PXDNL: variants seen among roughly 807,000 people sequenced by gnomAD.
The protein encoded by PXDNL is peroxidasin like, also known as probable oxidoreductase PXDNL.
In PXDNL, 145 loss-of-function variants were observed where a neutral mutation model predicts 150.8. The observed-to-expected ratio is 0.96, with a 90% confidence interval of 0.84 to 1.10. The LOEUF (loss-of-function observed/expected upper bound fraction) is 1.10, where lower values mean the gene tolerates loss of function less well. Ranked by LOEUF, PXDNL falls within the 50% of genes least tolerant of loss-of-function variation. The probability of loss-of-function intolerance (pLI) is 0.00; values close to 1 mark genes in which losing one functional copy is unlikely to be tolerated. For synonymous variants in PXDNL, 757 were observed against 725.7 expected (o/e 1.04, Z -0.69); for missense variants, 2,087 against 1,873.9 (o/e 1.11, Z -2.10).
chr8:51,363,514 T>TG (rs902600759), intron 19 of PXDNL, among the ~76,000 whole-genome samples: 23 of 152,010 alleles, frequency 1.5e-4, no homozygotes, highest in African/African-American at 5.6e-4. Flanking sequence ...GGTACATGAC[T>TG]GGGGGCTGCA....
intron 17 of PXDNL, among the ~76,000 whole-genome samples, chr8:51,388,646 A>C (rs947058975): frequency 2.0e-5 from 3 of 152,120 alleles, no homozygotes; most frequent in African/African-American, 7.2e-5. Context: ...TAACCCTTCA[A>C]ACTGGGTCTC....
intron 17 of PXDNL, among the ~76,000 whole-genome samples, chr8:51,402,810 C>T (rs1808297445): frequency 6.6e-6 from 1 of 151,970 alleles, no homozygotes; most frequent in Non-Finnish European, 1.5e-5. Context: ...CGCCTGTAAT[C>T]CCAGCACTTT....
chr8:51,554,306 T>G (rs777883957), intron 4 of PXDNL, among the ~76,000 whole-genome samples: 1 of 152,108 alleles, frequency 6.6e-6, no homozygotes, highest in Non-Finnish European at 1.5e-5. Flanking sequence ...TTTTCAGGCA[T>G]GCTGAGCTGC....
At chr8:51,435,768 G>GA (rs1352811794) in intron 12 of PXDNL, 8 of 402,158 alleles carry the variant, frequency 2.0e-5, no homozygotes, top group East Asian at 1.4e-4. Context: ...AAGGGGGAGT[G>GA]AAAAAACAAG....
intron 2 of PXDNL, among the ~76,000 whole-genome samples, chr8:51,608,386 CAAAAA>C (rs760838357): frequency 1.3e-5 from 1 of 75,400 alleles, no homozygotes; most frequent in African/African-American, 4.7e-5. Flanking sequence ...GAGACTCCGT[CAAAAA>C]AAAAAAAAAA....
At chr8:51,592,747 T>C (rs2130656999) in intron 2 of PXDNL, 49 bp from the exon 3 acceptor site, 1 of 1,328,910 alleles carries the variant, frequency 7.5e-7, no homozygotes, top group Non-Finnish European at 1.0e-6. Flanking sequence ...AAACAGACTC[T>C]GCAAACATTA....
chr8:51,366,154 C>A (rs1050205284), intron 19 of PXDNL, among the ~76,000 whole-genome samples: 2 of 152,168 alleles, frequency 1.3e-5, no homozygotes, highest in Non-Finnish European at 2.9e-5. Context: ...AAGCTTAGCC[C>A]AAAGCTGCCT....
At chr8:51,721,800 G>T in intron 1 of PXDNL, 1 of 345,042 alleles carries the variant, frequency 2.9e-6, no homozygotes, top group Non-Finnish European at 5.7e-6. Context: ...TGGAGCTCCA[G>T]CCAGCCTCCT....
intron 19 of PXDNL, among the ~76,000 whole-genome samples, chr8:51,353,454 T>C (rs1236304580): frequency 6.6e-6 from 1 of 152,008 alleles, no homozygotes; most frequent in Non-Finnish European, 1.5e-5. Context: ...GATAATAATG[T>C]TGTAATTAAT....
At chr8:51,400,497 T>C (rs1808214782) in intron 17 of PXDNL, among the ~76,000 whole-genome samples, 1 of 152,196 alleles carries the variant, frequency 6.6e-6, no homozygotes. Flanking sequence ...TGATGTTAAA[T>C]TAATGTCATA....
intron 16 of PXDNL, among the ~76,000 whole-genome samples, chr8:51,410,804 A>G (rs1440205186): frequency 2.0e-5 from 3 of 152,190 alleles, no homozygotes; most frequent in Non-Finnish European, 4.4e-5. Context: ...AAACAACAAC[A>G]ACAAAAAAAC....
At chr8:51,543,909 T>A (rs965926035) in intron 4 of PXDNL, among the ~76,000 whole-genome samples, 1 of 152,066 alleles carries the variant, frequency 6.6e-6, no homozygotes, top group South Asian at 2.1e-4. Context: ...TGAAAATATG[T>A]CAGCTCTATC....
intron 19 of PXDNL, among the ~76,000 whole-genome samples, chr8:51,367,735 T>C (rs1305174860): frequency 1.3e-5 from 2 of 151,948 alleles, no homozygotes; most frequent in Non-Finnish European, 2.9e-5. Context: ...TGAAAAAAAA[T>C]GCACGACAAT....
At chr8:51,373,880 C>A (rs1266720686) in intron 18 of PXDNL, among the ~76,000 whole-genome samples, 1 of 152,176 alleles carries the variant, frequency 6.6e-6, no homozygotes, top group Non-Finnish European at 1.5e-5. Context: ...CATGTCCACT[C>A]AGGAGAGGCT....
At chr8:51,697,555 T>C (rs1228090850) in intron 1 of PXDNL, among the ~76,000 whole-genome samples, 1 of 152,146 alleles carries the variant, frequency 6.6e-6, no homozygotes, top group Non-Finnish European at 1.5e-5. Context: ...AGCTCAAACA[T>C]CTTGGAGAGT....
At chr8:51,496,499 T>C (rs1811055088) in intron 5 of PXDNL, among the ~76,000 whole-genome samples, 1 of 152,174 alleles carries the variant, frequency 6.6e-6, no homozygotes, top group Non-Finnish European at 1.5e-5. Context: ...TGTCCCTGTT[T>C]GCAGATGACA....
At chr8:51,638,036 C>T (rs966956204) in intron 2 of PXDNL, among the ~76,000 whole-genome samples, 4 of 152,118 alleles carry the variant, frequency 2.6e-5, no homozygotes, top group Admixed American at 6.5e-5. Context: ...AAGAGACTGG[C>T]GGCGAATATT....
chr8:51,602,636 T>A (rs1813747430), intron 2 of PXDNL, among the ~76,000 whole-genome samples: 1 of 151,822 alleles, frequency 6.6e-6, no homozygotes, highest in Admixed American at 6.6e-5. Context: ...AAAATTTATG[T>A]TAAGAACCAT....
chr8:51,534,121 C>A (rs1384342188), intron 4 of PXDNL, among the ~76,000 whole-genome samples: 1 of 143,752 alleles, frequency 7.0e-6, no homozygotes, highest in Non-Finnish European at 1.5e-5. Flanking sequence ...ATGTGGGGAG[C>A]ACCTCTGCCC....
Sources: allele counts gnomAD v4.1 joint callset (sites outside exome capture counted in the v4.1 genomes callset), GRCh38; gene constraint gnomAD v4.1.1; transcripts MANE v1.5; gene names NCBI Gene and HGNC (gene_info 2026-07-23, HGNC 2026-07-21).